Variants in DPYD observed in about 807,000 individuals in gnomAD.
DPYD encodes the protein dihydropyrimidine dehydrogenase [NADP(+)].
Under a neutral mutation model 116.2 loss-of-function variants are expected in DPYD, and 109 were observed. That is an observed-to-expected ratio of 0.94 (90% CI 0.80 to 1.10). The LOEUF (loss-of-function observed/expected upper bound fraction) is 1.10. Ranked by LOEUF, DPYD falls within the 50% of genes least tolerant of loss-of-function variation. The pLI is 0.00. For missense variants in DPYD, 1,302 were observed against 1,254.5 expected, an observed-to-expected ratio of 1.04 and a Z score of -0.57; for synonymous variants, 440 against 432.0, an observed-to-expected ratio of 1.02 and a Z score of -0.23.
intron 16 of DPYD, among the ~76,000 whole-genome samples, chr1:97,353,010 AG>A (rs1670230899): frequency 6.6e-6 from 1 of 152,328 alleles, no homozygotes; most frequent in Non-Finnish European, 1.5e-5. Context: ...GGTAACAAAA[AG>A]GACAAAACCA....
intron 3 of DPYD, among the ~76,000 whole-genome samples, chr1:97,793,400 T>C (rs770598211): frequency 1.3e-5 from 2 of 152,240 alleles, no homozygotes; most frequent in East Asian, 1.9e-4. Flanking sequence ...TGACCTAGAA[T>C]AGCCAAACAA....
At chr1:97,322,914 G>T (rs984566821) in intron 16 of DPYD, 3 of 151,820 alleles carry the variant, frequency 2.0e-5, no homozygotes, top group Non-Finnish European at 2.9e-5. Flanking sequence ...AGGAATGGGT[G>T]TCTATTGTTT....
intron 19 of DPYD, among the ~76,000 whole-genome samples, chr1:97,228,896 G>C (rs1661380462): frequency 6.6e-6 from 1 of 151,932 alleles, no homozygotes; most frequent in African/African-American, 2.4e-5. Context: ...CGAACTAACT[G>C]CAAGAAAGAA....
rs189710913 is a variant in DPYD, at chr1:97,250,217, C to T, written c.2300-15223G>A. Among the ~76,000 whole-genome samples, 75 of 152,080 alleles carry T rather than the reference C, an allele frequency of 4.9e-4. 1 individual carries two copies. The highest frequency in any genetic ancestry group is 5.9e-5 in the Non-Finnish European group (4 of 68,002). ...CATGGGAGACGGAGGTTGCAGTGAGCCGAGATCACGCCATTGCACCCCAGC... is the reference window on the plus strand; with the variant it reads ...CATGGGAGACGGAGGTTGCAGTGAGTCGAGATCACGCCATTGCACCCCAGC... On this transcript the variant is annotated intron_variant, in intron 18 of 22. Transcript: ENST00000370192.
intron 16 of DPYD, among the ~76,000 whole-genome samples, chr1:97,366,576 C>T (rs1045857425): frequency 2.0e-5 from 3 of 152,162 alleles, no homozygotes; most frequent in African/African-American, 7.2e-5. Context: ...AATCATAGAC[C>T]TGGAGTTCCA....
In DPYD at chr1:97,078,318, G is replaced by A. The variant is rs1648926340; in HGVS notation, c.*658C>T. The A allele has an allele frequency of 6.3e-6, 1 of 159,136 alleles. No individual in the cohort carries two copies. The highest frequency in any genetic ancestry group is 1.8e-4 in the South Asian group (1 of 5,690). 9.9% of individuals were successfully genotyped at this position (159,136 alleles called of 1,614,324 possible). On this transcript the variant is annotated 3_prime_UTR_variant, in exon 23 of 23. Transcript: ENST00000370192. Reference sequence around the variant, plus strand: ...GTTTGTACACCCATCTCACGCATGAGTAGTGAATGGTATTTAGTTAGTAAA... The same window carrying A: ...GTTTGTACACCCATCTCACGCATGAATAGTGAATGGTATTTAGTTAGTAAA...
chr1:97,746,946 T>A (rs559385314), intron 3 of DPYD, among the ~76,000 whole-genome samples: 1 of 151,826 alleles, frequency 6.6e-6, no homozygotes, highest in East Asian at 1.9e-4. Flanking sequence ...GTGTGTGTTT[T>A]TTTTTTGTTG....
At position 97,608,071 on chromosome 1, in the gene DPYD, G is replaced by A. The variant is rs567370785; in HGVS notation, c.851-12905C>T. Reference sequence around the variant, plus strand: ...GGGAAAACTCTATAATAGCCACATGGGGAAGTATTCTAGTGGCAATGTTGG... The same window carrying A: ...GGGAAAACTCTATAATAGCCACATGAGGAAGTATTCTAGTGGCAATGTTGG... On this transcript the variant is annotated intron_variant, in intron 8 of 22. Transcript: ENST00000370192. Among the ~76,000 whole-genome samples, 100 of 151,958 alleles carry A rather than the reference G, an allele frequency of 6.6e-4. 1 individual carries two copies. The highest frequency in any genetic ancestry group is 2.4e-3 in the African/African-American group (100 of 41,482).
chr1:97,458,631 G>A (rs776719125), intron 13 of DPYD, among the ~76,000 whole-genome samples: 4 of 152,058 alleles, frequency 2.6e-5, no homozygotes, highest in South Asian at 4.1e-4. Context: ...AGTAGAAATC[G>A]CCACATAAAT....
chr1:97,379,125 G>C (rs919138775), intron 15 of DPYD, among the ~76,000 whole-genome samples: 5 of 152,138 alleles, frequency 3.3e-5, no homozygotes, highest in African/African-American at 1.2e-4. Flanking sequence ...TACGTAGCCA[G>C]AGGCTCAGGA....
At chr1:97,895,713 A>G (rs1295715124) in intron 1 of DPYD, among the ~76,000 whole-genome samples, 1 of 151,752 alleles carries the variant, frequency 6.6e-6, no homozygotes, top group Admixed American at 6.6e-5. Flanking sequence ...GGACTATTTA[A>G]AATCATGAAA....
intron 3 of DPYD, among the ~76,000 whole-genome samples, chr1:97,785,989 G>A (rs1666997876): frequency 2.7e-5 from 4 of 150,184 alleles, no homozygotes; most frequent in South Asian, 2.1e-4. Flanking sequence ...CACCACGTCC[G>A]GCCGGGCCAC....
chr1:97,422,661 A>G (rs1459934448), intron 14 of DPYD, among the ~76,000 whole-genome samples: 1 of 152,134 alleles, frequency 6.6e-6, no homozygotes, highest in Non-Finnish European at 1.5e-5. Flanking sequence ...CTGGGAGTTC[A>G]TTCCCTGAGC....
At chr1:97,562,427 T>C (rs1294392778) in intron 11 of DPYD, among the ~76,000 whole-genome samples, 1 of 152,198 alleles carries the variant, frequency 6.6e-6, no homozygotes, top group East Asian at 1.9e-4. Context: ...TTCTTTCACA[T>C]ACTTGTATGG....
chr1:97,480,738 T>A (rs1176053673), intron 13 of DPYD, among the ~76,000 whole-genome samples: 2 of 152,212 alleles, frequency 1.3e-5, no homozygotes, highest in Non-Finnish European at 2.9e-5. Flanking sequence ...CCCAGCACTT[T>A]GGGAGGCCGA....
At chr1:97,205,051 A>C (rs1659495368) in intron 19 of DPYD, among the ~76,000 whole-genome samples, 1 of 152,074 alleles carries the variant, frequency 6.6e-6, no homozygotes, top group Non-Finnish European at 1.5e-5. Context: ...CAGATAGTAC[A>C]TAGAGTTTCA....
At chr1:97,407,848 A>C (rs1476941395) in intron 14 of DPYD, among the ~76,000 whole-genome samples, 1 of 152,144 alleles carries the variant, frequency 6.6e-6, no homozygotes, top group African/African-American at 2.4e-5. Flanking sequence ...TCCAGAGGAA[A>C]TAATGCTGCA....
chr1:97,783,151 C>T (rs1049284614), intron 3 of DPYD, among the ~76,000 whole-genome samples: 7 of 152,100 alleles, frequency 4.6e-5, no homozygotes, highest in African/African-American at 1.7e-4. Flanking sequence ...AACTATTATT[C>T]GAATGATCAT....
chr1:97,344,353 C>G (rs552004308), intron 16 of DPYD, among the ~76,000 whole-genome samples: 1 of 151,916 alleles, frequency 6.6e-6, no homozygotes, highest in East Asian at 1.9e-4. Context: ...TTTCATAACT[C>G]AGAAGATAAC....
Sources: gnomAD v4.1 joint callset for allele counts (sites outside exome capture counted in the v4.1 genomes callset) on GRCh38, gnomAD v4.1.1 for gene constraint, MANE v1.5 for transcripts, NCBI Gene and HGNC (gene_info 2026-07-23, HGNC 2026-07-21) for gene names.